Variants in ZFP1 observed in about 807,000 individuals in gnomAD.
The protein encoded by ZFP1 is zinc finger protein 1 homolog.
A neutral mutation model predicts 38.5 loss-of-function variants in ZFP1; 32 were observed. That is an observed-to-expected ratio of 0.83 (90% CI 0.63 to 1.12). The LOEUF (loss-of-function observed/expected upper bound fraction) is 1.12. Ranked by LOEUF, ZFP1 falls within the 50% of genes most tolerant of loss-of-function variation. ZFP1 has a pLI of 0.00. For synonymous variants in ZFP1, 245 were observed against 168.8 expected (o/e 1.45, Z -3.50); for missense variants, 616 against 480.8 (o/e 1.28, Z -2.63).
At chr16:75,149,853 T>G (rs2037097946) in intron 1 of ZFP1, among the ~76,000 whole-genome samples, 1 of 152,168 alleles carries the variant, frequency 6.6e-6, no homozygotes, top group South Asian at 2.1e-4. Flanking sequence ...TCACCCAGGC[T>G]GGAGTGCAGT....
the ZFP1 span, chr16:75,126,046 T>A: frequency 4.9e-5 from 3 of 61,300 alleles, no homozygotes; most frequent in Non-Finnish European, 1.2e-4. Flanking sequence ...CAAAACTCCA[T>A]CTCAAAAAAA....
the ZFP1 span, among the ~76,000 whole-genome samples, chr16:75,125,299 A>C: frequency 5.3e-5 from 8 of 152,114 alleles, no homozygotes; most frequent in African/African-American, 1.9e-4. Flanking sequence ...ACATCCTTCT[A>C]TCTGCCTGTA....
upstream of ZFP1, among the ~76,000 whole-genome samples, chr16:75,146,447 G>A (rs915654063): frequency 6.6e-6 from 1 of 152,122 alleles, no homozygotes; most frequent in East Asian, 1.9e-4. Flanking sequence ...GATTACAGGC[G>A]TGAGCCACTG....
the ZFP1 span, among the ~76,000 whole-genome samples, chr16:75,122,219 T>C: frequency 2.0e-5 from 3 of 152,226 alleles, no homozygotes; most frequent in East Asian, 5.8e-4. Context: ...TAGCCCCTAC[T>C]GCTGTGTCGT....
intron 2 of ZFP1, 77 bp downstream of exon 2, chr16:75,153,043 G>T (rs374623703): frequency 6.4e-7 from 1 of 1,562,780 alleles, no homozygotes. Flanking sequence ...AAATGAAATA[G>T]AAAAGTATGA....
At chr16:75,127,715 G>T in the ZFP1 span, 1 of 152,202 alleles carries the variant, frequency 6.6e-6, no homozygotes, top group East Asian at 1.9e-4. Context: ...GGGCTGAAAT[G>T]TTCATGAATA....
intron 2 of ZFP1, among the ~76,000 whole-genome samples, chr16:75,162,556 A>G (rs1037609649): frequency 2.0e-5 from 3 of 152,150 alleles, no homozygotes; most frequent in African/African-American, 7.2e-5. Context: ...TTGGGGGTAC[A>G]TGTGCAGATT....
At chr16:75,124,287 T>C in the ZFP1 span, among the ~76,000 whole-genome samples, 1 of 149,706 alleles carries the variant, frequency 6.7e-6, no homozygotes, top group Non-Finnish European at 1.5e-5. Flanking sequence ...GCCTCCCAAG[T>C]AGCTGGGATT....
chr16:75,119,047 C>A, the ZFP1 span, among the ~76,000 whole-genome samples: 1 of 152,202 alleles, frequency 6.6e-6, no homozygotes, highest in Non-Finnish European at 1.5e-5. Context: ...AGTGACGTCT[C>A]AAGTCTCCCC....
At chr16:75,166,979 A>G in intron 3 of ZFP1, 83 bp downstream of exon 3, 1 of 1,535,296 alleles carries the variant, frequency 6.5e-7, no homozygotes, top group Non-Finnish European at 8.8e-7. Context: ...GAGCTTCTGA[A>G]TTACTAAATG....
chr16:75,133,163 G>C, the ZFP1 span, among the ~76,000 whole-genome samples: 1 of 151,762 alleles, frequency 6.6e-6, no homozygotes, highest in Non-Finnish European at 1.5e-5. Flanking sequence ...TTTTAGTAGA[G>C]ACAGGGTTTC....
upstream of ZFP1, among the ~76,000 whole-genome samples, chr16:75,145,328 A>G (rs2036931230): frequency 2.0e-5 from 3 of 152,234 alleles, no homozygotes; most frequent in Admixed American, 6.5e-5. Flanking sequence ...GGTGGGTGCA[A>G]AATGATGCAG....
the ZFP1 span, among the ~76,000 whole-genome samples, chr16:75,140,743 AG>A: frequency 6.6e-6 from 1 of 152,170 alleles, no homozygotes; most frequent in Non-Finnish European, 1.5e-5. Context: ...GCGGATCACG[AG>A]GTCAGGAGAT....
chr16:75,166,757 T>C lies in ZFP1; in HGVS notation c.16-13T>C, dbSNP rs1380892028. The C allele has an allele frequency of 2.5e-6, 4 of 1,614,140 alleles. No homozygotes were observed. Among genetic ancestry groups the C allele is most frequent in the Non-Finnish European group, 3.4e-6 (4 of 1,179,980 alleles). The stretch of plus-strand genomic sequence containing the variant: ...ATGATCATCTTAGGATGAATAACAA[T>C]ATGCCATTTCAGGGATCAGTTTCAT... On this transcript the variant is annotated splice_polypyrimidine_tract_variant and intron_variant, in intron 2 of 3. Transcript: ENST00000570010.
chr16:75,130,609 A>G, the ZFP1 span, among the ~76,000 whole-genome samples: 1 of 152,080 alleles, frequency 6.6e-6, no homozygotes, highest in Non-Finnish European at 1.5e-5. Flanking sequence ...AGGTTTTTGT[A>G]TCTATTGGGA....
At chr16:75,122,360 C>A in the ZFP1 span, among the ~76,000 whole-genome samples, 1 of 152,140 alleles carries the variant, frequency 6.6e-6, no homozygotes, top group Non-Finnish European at 1.5e-5. Flanking sequence ...GAACAGTTGG[C>A]TCAGGATGAA....
chr16:75,122,447 G>A, the ZFP1 span, among the ~76,000 whole-genome samples: 1 of 152,256 alleles, frequency 6.6e-6, no homozygotes, highest in Middle Eastern at 3.4e-3. Context: ...CTACTGATTA[G>A]GACTGGCGGG....
chr16:75,158,945 A>G (rs1304284024), intron 2 of ZFP1, among the ~76,000 whole-genome samples: 3 of 143,962 alleles, frequency 2.1e-5, no homozygotes, highest in African/African-American at 7.8e-5. Context: ...TGCCCAGACT[A>G]GAGTGCAGTG....
chr16:75,140,462 C>G, the ZFP1 span, among the ~76,000 whole-genome samples: 3 of 152,154 alleles, frequency 2.0e-5, no homozygotes, highest in Non-Finnish European at 4.4e-5. Context: ...GCTATGACCT[C>G]CTTAGCAATG....
Sources: allele counts gnomAD v4.1 joint callset (sites outside exome capture counted in the v4.1 genomes callset), GRCh38; gene constraint gnomAD v4.1.1; transcripts MANE v1.5; gene names NCBI Gene and HGNC (gene_info 2026-07-23, HGNC 2026-07-21).